ULK4: variants seen among roughly 807,000 people sequenced by gnomAD.
The protein encoded by ULK4 is inactive serine/threonine-protein kinase ULK4.
Under a neutral mutation model 160.6 loss-of-function variants are expected in ULK4, and 133 were observed. The ratio of observed to expected loss-of-function variants is 0.83; its 90% confidence interval spans 0.72 to 0.96. The LOEUF (loss-of-function observed/expected upper bound fraction) is 0.96. ULK4 is among the 40% of genes least tolerant of loss of function. ULK4 has a pLI of 0.00. For synonymous variants in ULK4, 534 were observed against 539.8 expected (o/e 0.99, Z 0.15); for missense variants, 1,580 against 1,499.5 (o/e 1.05, Z -0.89).
At chr3:41,260,686 G>T (rs576526246) in intron 35 of ULK4, among the ~76,000 whole-genome samples, 1 of 152,372 alleles carries the variant, frequency 6.6e-6, no homozygotes, top group South Asian at 2.1e-4. Context: ...CTCAAGGGAA[G>T]AGGCAGGGTC....
intron 22 of ULK4, among the ~76,000 whole-genome samples, chr3:41,722,739 T>C (rs1278063913): frequency 2.6e-5 from 4 of 152,250 alleles, no homozygotes; most frequent in South Asian, 4.1e-4. Context: ...CCTTTTGATA[T>C]AGGAAGAATA....
chr3:41,919,221 T>C (rs1699084801), intron 6 of ULK4, among the ~76,000 whole-genome samples: 1 of 152,216 alleles, frequency 6.6e-6, no homozygotes. Context: ...AAAAATTACC[T>C]ATTTATCAAG....
intron 7 of ULK4, among the ~76,000 whole-genome samples, chr3:41,916,445 G>C (rs187355954): frequency 6.6e-6 from 1 of 152,054 alleles, no homozygotes; most frequent in Non-Finnish European, 1.5e-5. Context: ...GTGGAGTGCA[G>C]TGGCACCATC....
At chr3:41,635,417 T>C (rs952105047) in intron 30 of ULK4, among the ~76,000 whole-genome samples, 1 of 152,054 alleles carries the variant, frequency 6.6e-6, no homozygotes, top group Admixed American at 6.6e-5. Context: ...ATTATAATTT[T>C]ACAACTGTAC....
At chr3:41,915,274 A>G (rs986773497) in intron 8 of ULK4, 6 of 152,346 alleles carry the variant, frequency 3.9e-5, no homozygotes, top group African/African-American at 1.4e-4. Context: ...TTCCTTCTGC[A>G]GTTTTTAAAA....
At chr3:41,945,178 G>C (rs1370634145) in intron 2 of ULK4, among the ~76,000 whole-genome samples, 1 of 152,190 alleles carries the variant, frequency 6.6e-6, no homozygotes, top group Non-Finnish European at 1.5e-5. Flanking sequence ...ACAGCTGTCA[G>C]CACCAAAGTG....
chr3:41,543,529 G>A (rs1232949495), intron 32 of ULK4, among the ~76,000 whole-genome samples: 4 of 152,138 alleles, frequency 2.6e-5, no homozygotes, highest in Non-Finnish European at 4.4e-5. Context: ...TTATCTTCTT[G>A]TATTTAATGA....
Position 41,907,917 on chromosome 3 carries a change from G to C in ULK4, c.1110C>G (p.Ser370Arg). The change falls in exon 12 of 37, where the codon AGC (serine) becomes AGG (arginine). Residue 370 changes from serine (S) to arginine (R), a missense_variant. By Grantham distance (110) the Ser-to-Arg change is moderately radical. Coordinates refer to ENST00000301831, the MANE Select transcript of ULK4 (RefSeq NM_017886.4). ...CACCAGGACTTACTTCCACTGCAGT[G>C]CTAGTTCTGGGAGTAGGACGAGAAC... is the stretch of plus-strand genomic sequence containing the variant. Reference protein sequence around the residue: ...LLSSRPTPRTSTAVEVSPGED... With the variant: ...LLSSRPTPRTRTAVEVSPGED... 6.2e-7 allele frequency: 1 copy of C among 1,607,196 alleles called. No homozygotes were observed. Among genetic ancestry groups the C allele is most frequent in the South Asian group, 1.1e-5 (1 of 89,888 alleles).
intron 25 of ULK4, among the ~76,000 whole-genome samples, chr3:41,706,134 C>T (rs924295660): frequency 2.6e-5 from 4 of 151,892 alleles, no homozygotes; most frequent in African/African-American, 9.7e-5. Flanking sequence ...CGGATGACTC[C>T]CATTGCTGTT....
At chr3:41,766,009 G>T (rs2039149263) in intron 21 of ULK4, among the ~76,000 whole-genome samples, 1 of 151,942 alleles carries the variant, frequency 6.6e-6, no homozygotes, top group African/African-American at 2.4e-5. Context: ...GGTGGCTCAT[G>T]CCTTTAATCC....
At chr3:41,679,111 T>C (rs2035834949) in intron 29 of ULK4, among the ~76,000 whole-genome samples, 4 of 152,214 alleles carry the variant, frequency 2.6e-5, no homozygotes, top group Non-Finnish European at 4.4e-5. Flanking sequence ...ACAATAAGCA[T>C]TATACATTTT....
At chr3:41,829,395 C>T (rs1421485190) in intron 18 of ULK4, among the ~76,000 whole-genome samples, 1 of 146,118 alleles carries the variant, frequency 6.8e-6, no homozygotes, top group Non-Finnish European at 1.5e-5. Flanking sequence ...GCAATCCACA[C>T]ATCTGACAAA....
chr3:41,593,969 T>G lies in ULK4; in HGVS notation c.3120+21700A>C, dbSNP rs573015068. ...CTGAGGTGGGAAGATGGATTGAGCC[T>G]GGGAGGCGGAGGTTGCAGTGAGCTG... is the stretch of plus-strand genomic sequence containing the variant. On this transcript the variant is annotated intron_variant, in intron 31 of 36. Coordinates refer to ENST00000301831, the MANE Select transcript of ULK4 (RefSeq NM_017886.4). Among the ~76,000 whole-genome samples, 321 of 151,664 alleles carry G rather than the reference T, an allele frequency of 2.1e-3. 1 individual carries two copies. The highest frequency in any genetic ancestry group is 0.01 in the Middle Eastern group (3 of 292).
At chr3:41,528,854 A>G (rs2086205493) in intron 32 of ULK4, among the ~76,000 whole-genome samples, 1 of 152,030 alleles carries the variant, frequency 6.6e-6, no homozygotes, top group African/African-American at 2.4e-5. Flanking sequence ...GAAAGAAGGC[A>G]TATCCTTACA....
intron 16 of ULK4, among the ~76,000 whole-genome samples, chr3:41,885,505 CTG>C (rs1697688352): frequency 2.0e-5 from 3 of 152,138 alleles, no homozygotes; most frequent in Admixed American, 1.3e-4. Context: ...TGACTCGACA[CTG>C]TACCTCAGAA....
At chr3:41,856,562 CACATATATATATGTGTATATAT>C (rs1559611085) in intron 17 of ULK4, among the ~76,000 whole-genome samples, 4 of 32,540 alleles carry the variant, frequency 1.2e-4, no homozygotes, top group Non-Finnish European at 1.6e-4. Context: ...TATATATATA[CACATATATATATGTGTATATAT>C]ATACACATAT....
At chr3:41,489,052 C>T (rs1378649767) in intron 32 of ULK4, among the ~76,000 whole-genome samples, 1 of 152,082 alleles carries the variant, frequency 6.6e-6, no homozygotes, top group Non-Finnish European at 1.5e-5. Flanking sequence ...CAACCCCTGA[C>T]CCTCAGTTTA....
intron 30 of ULK4, among the ~76,000 whole-genome samples, chr3:41,642,959 T>G (rs369036506): frequency 1.3e-5 from 2 of 152,224 alleles, no homozygotes; most frequent in Non-Finnish European, 2.9e-5. Context: ...GAGCATTTTT[T>G]CATGTGTCTG....
At chr3:41,367,852 A>G (rs1384198273) in intron 35 of ULK4, among the ~76,000 whole-genome samples, 1 of 152,168 alleles carries the variant, frequency 6.6e-6, no homozygotes, top group Admixed American at 6.5e-5. Context: ...GAAATATGTT[A>G]ATATATGTAT....
Sources: gnomAD v4.1 joint callset for allele counts (sites outside exome capture counted in the v4.1 genomes callset) on GRCh38, gnomAD v4.1.1 for gene constraint, MANE v1.5 for transcripts, NCBI Gene and HGNC (gene_info 2026-07-23, HGNC 2026-07-21) for gene names.